The following PIGN variants were observed in gnomAD, a reference collection of about 807,000 sequenced individuals.
PIGN encodes the protein phosphatidylinositol glycan anchor biosynthesis class N, also known as GPI ethanolamine phosphate transferase 1.
PIGN carries 117 observed loss-of-function variants against 125.4 expected under a neutral mutation model. The observed-to-expected ratio is 0.93, with a 90% confidence interval of 0.80 to 1.09. The LOEUF (loss-of-function observed/expected upper bound fraction) is 1.09. PIGN is among the 50% of genes least tolerant of loss of function. The pLI is 0.00. For missense variants in PIGN, 1,075 were observed against 1,094.9 expected (o/e 0.98, Z 0.26); for synonymous variants, 392 against 377.8 (o/e 1.04, Z -0.44).
rs149922983 is a variant in PIGN at position 62,073,771 on chromosome 18, T to G, written c.2619+1008A>C. Among the ~76,000 whole-genome samples, 275 of 152,284 alleles carry G rather than the reference T, an allele frequency of 1.8e-3. 2 individuals carry two copies. Among genetic ancestry groups the G allele is most frequent in the African/African-American group, 6.1e-3 (253 of 41,564 alleles). On this transcript the variant is annotated intron_variant, in intron 29 of 30. Coordinates refer to ENST00000640252, the MANE Select transcript of PIGN (RefSeq NM_176787.5). Reference sequence around the variant, plus strand: ...ATTCCTAGTTACTTCTGGCATGGGATGTTATATGGTGACAAATTAACCTTA... The same window carrying G: ...ATTCCTAGTTACTTCTGGCATGGGAGGTTATATGGTGACAAATTAACCTTA...
intron 1 of PIGN, among the ~76,000 whole-genome samples, chr18:62,168,571 T>C (rs1227004385): frequency 6.6e-6 from 1 of 152,194 alleles, no homozygotes. Flanking sequence ...CAGTGTTTAC[T>C]TCCTAGGAAT....
chr18:62,032,054 T>C (rs1345205690), intron 23 of PIGN, among the ~76,000 whole-genome samples: 1 of 152,186 alleles, frequency 6.6e-6, no homozygotes, highest in Admixed American at 6.5e-5. Context: ...GCCTAATCCT[T>C]CTTGTGACTT....
At position 62,088,769 on chromosome 18, in the gene PIGN, C is replaced by G; in HGVS notation, c.2357G>C (p.Arg786Thr). Reference protein sequence around the residue: ...FRQLYLDDIRRAFFLVFFLVT... With the variant: ...FRQLYLDDIRTAFFLVFFLVT... ...CACAAAGGATACAAGGAAAAAGGCC[C>G]TACGGATGTCATCCAGATATAGCTG... is the stretch of plus-strand genomic sequence containing the variant. Residue 786 changes from arginine (R) to threonine (T), a missense_variant, in exon 25 of 31, where the codon AGG (arginine) becomes ACG (threonine). Physicochemically the swap from Arg to Thr is moderately conservative, Grantham distance 71 (BLOSUM62 -1). Around this residue, in one of 3 missense-constraint regions of PIGN, gnomAD observed 915 missense variants for 908.7 expected, o/e 1.01. Coordinates refer to ENST00000640252, the MANE Select transcript of PIGN (RefSeq NM_176787.5). 1 of 1,556,216 alleles carries G rather than the reference C, an allele frequency of 6.4e-7. No individual in the cohort carries two copies. Among genetic ancestry groups the G allele is most frequent in the Non-Finnish European group, 8.7e-7 (1 of 1,145,594 alleles).
At chr18:62,062,084 C>G (rs1365899162) in intron 30 of PIGN, among the ~76,000 whole-genome samples, 1 of 152,154 alleles carries the variant, frequency 6.6e-6, no homozygotes, top group Non-Finnish European at 1.5e-5. Flanking sequence ...AGAATTCTAA[C>G]TTAGCAATAA....
chr18:62,088,137 C>A (rs114669883), intron 25 of PIGN, among the ~76,000 whole-genome samples: 1 of 152,072 alleles, frequency 6.6e-6, no homozygotes, highest in Admixed American at 6.6e-5. Context: ...AAAATATACA[C>A]CTTAAATATA....
intron 23 of PIGN, among the ~76,000 whole-genome samples, chr18:62,025,342 T>A (rs2030103956): frequency 6.6e-6 from 1 of 152,222 alleles, no homozygotes; most frequent in Non-Finnish European, 1.5e-5. Flanking sequence ...ACTGAGACAG[T>A]TATTTTGTTT....
chr18:62,055,477 A>T (rs570165506), intron 30 of PIGN, among the ~76,000 whole-genome samples: 3 of 151,788 alleles, frequency 2.0e-5, no homozygotes, highest in Admixed American at 6.5e-5. Context: ...AAATGTTGCC[A>T]GGGGTTAAGG....
chr18:62,145,026 G>A (rs2036272629), intron 10 of PIGN, among the ~76,000 whole-genome samples: 2 of 151,214 alleles, frequency 1.3e-5, no homozygotes, highest in Admixed American at 1.3e-4. Context: ...GGGGGGCAGG[G>A]TGGAGAAAGG....
chr18:62,045,648 T>A lies in PIGN; in HGVS notation c.*208A>T. ...GCCTTCCTATGCTTTTCCACAGATA[T>A]AATCACTATTTCATGCCTGCAAAAC... On this transcript the variant is annotated 3_prime_UTR_variant, in exon 31 of 31. Coordinates refer to ENST00000640252, the MANE Select transcript of PIGN (RefSeq NM_176787.5). 1 of 452,314 alleles carries A rather than the reference T, an allele frequency of 2.2e-6. No individual in the cohort carries two copies. 28.0% of individuals were successfully genotyped at this position (452,314 alleles called of 1,614,324 possible).
chr18:62,033,719 T>G (rs62096622), intron 23 of PIGN, among the ~76,000 whole-genome samples: 26,052 of 152,216 alleles, frequency 0.17, 3,051 homozygotes, highest in Middle Eastern at 0.28. Context: ...TTGTTGCACG[T>G]ATTGCTCGTA....
chr18:62,025,693 T>A (rs1280148133), intron 23 of PIGN, among the ~76,000 whole-genome samples: 1 of 152,174 alleles, frequency 6.6e-6, no homozygotes, highest in Non-Finnish European at 1.5e-5. Flanking sequence ...TAAAATTTAT[T>A]ATCATGCCCT....
At chr18:62,178,600 T>TAAA (rs36043989) in intron 1 of PIGN, among the ~76,000 whole-genome samples, 66 of 139,650 alleles carry the variant, frequency 4.7e-4, no homozygotes, top group African/African-American at 1.4e-3. Context: ...AAGACCCACT[T>TAAA]AAAAAAAAAA....
At chr18:62,137,118 A>G (rs1220420528) in intron 14 of PIGN, 1 of 398,530 alleles carries the variant, frequency 2.5e-6, no homozygotes, top group Non-Finnish European at 4.4e-6. Flanking sequence ...CACAGCTAGA[A>G]TAAAGCAGGC....
rs398033140 is a variant in PIGN at position 62,096,516 on chromosome 18, CTTTT to C, written c.2078-570_2078-567del. Reference sequence around the variant, plus strand: ...TATTAACTCAAAAATGAATTATTTTCTTTTTTTTTTTTTTTTTTTTTTTTTTTAT... The same window carrying C: ...TATTAACTCAAAAATGAATTATTTTCTTTTTTTTTTTTTTTTTTTTTTTAT... On this transcript the variant is annotated intron_variant, in intron 22 of 30. Coordinates refer to ENST00000640252, the MANE Select transcript of PIGN (RefSeq NM_176787.5). 6.0e-3 allele frequency among the ~76,000 whole-genome samples: 514 copies of C among 85,640 alleles called. 1 individual carries two copies. The highest frequency in any genetic ancestry group is 0.036 in the South Asian group (87 of 2,412). 56.2% of individuals were successfully genotyped at this position (85,640 alleles called of 152,430 possible). A position where few individuals can be genotyped will look rare whatever the true frequency, so the allele number is the denominator to read the frequency against.
chr18:62,141,032 C>A (rs576736634), intron 11 of PIGN, among the ~76,000 whole-genome samples: 1 of 152,156 alleles, frequency 6.6e-6, no homozygotes, highest in Admixed American at 6.5e-5. Context: ...CGCTTCCTCA[C>A]CTTCCCATCA....
intron 30 of PIGN, among the ~76,000 whole-genome samples, chr18:62,061,333 A>G (rs531508508): frequency 2.0e-5 from 3 of 152,062 alleles, no homozygotes; most frequent in Non-Finnish European, 2.9e-5. Context: ...TTACAGATAC[A>G]TGCCAGACTA....
intron 3 of PIGN, 36 bp from the exon 4 acceptor site, chr18:62,161,421 T>C (rs1312076764): frequency 1.1e-6 from 1 of 911,952 alleles, no homozygotes; most frequent in Non-Finnish European, 1.7e-6. Context: ...GGGGTAAATC[T>C]TAATGCATTC....
At chr18:62,026,512 T>A (rs1378318443) in intron 23 of PIGN, among the ~76,000 whole-genome samples, 1 of 152,212 alleles carries the variant, frequency 6.6e-6, no homozygotes, top group East Asian at 1.9e-4. Context: ...ATACTGATAC[T>A]GGCACAAGAA....
In PIGN at chr18:62,101,089, C is replaced by T. The variant is rs2034417595; in HGVS notation, c.2063G>A (p.Ser688Asn). 2 of 1,600,668 alleles carry T rather than the reference C, an allele frequency of 1.2e-6. No homozygotes were observed. Among genetic ancestry groups the T allele is most frequent in the South Asian group, 1.1e-5 (1 of 90,820 alleles). The change falls in exon 22 of 31, where the codon AGC (serine) becomes AAC (asparagine). Residue 688 changes from serine to asparagine, a missense_variant. By Grantham distance (46) the Ser-to-Asn change is conservative. This residue lies in a region of PIGN where 915 missense variants were observed against 908.7 expected (regional missense o/e 1.01). Coordinates refer to ENST00000640252, the MANE Select transcript of PIGN (RefSeq NM_176787.5). ...QGLPLMNQII[S>N]WATLASSLVV... ...TGGCCTCTTACCTAATGTTGCCCAG[C>T]TAATAATTTGATTCATGAGAGGCAG...
Sources: gnomAD v4.1 joint callset for allele counts (sites outside exome capture counted in the v4.1 genomes callset) on GRCh38, gnomAD v4.1.1 for gene constraint, gnomAD v4.1.1 regional missense constraint, MANE v1.5 for transcripts, NCBI Gene and HGNC (gene_info 2026-07-23, HGNC 2026-07-21) for gene names.